MRPS25: variants seen among roughly 807,000 people sequenced by gnomAD.
The protein encoded by MRPS25 is mitochondrial ribosomal protein S25, also known as small ribosomal subunit protein mS25.
MRPS25 carries 15 observed loss-of-function variants against 17.3 expected under a neutral mutation model. The observed-to-expected ratio is 0.87, with a 90% confidence interval of 0.58 to 1.34. MRPS25 has a LOEUF of 1.34. Among genes scored for constraint, MRPS25 ranks in the 40% most tolerant of loss-of-function variants. MRPS25 has a pLI of 0.00. For missense variants in MRPS25, 225 were observed against 218.6 expected, an observed-to-expected ratio of 1.03 and a Z score of -0.19; for synonymous variants, 94 against 83.3, an observed-to-expected ratio of 1.13 and a Z score of -0.70.
At chr3:15,053,802 C>T (rs1321255116) in intron 2 of MRPS25, among the ~76,000 whole-genome samples, 1 of 152,104 alleles carries the variant, frequency 6.6e-6, no homozygotes, top group African/African-American at 2.4e-5. Flanking sequence ...AGCGGTGTTT[C>T]TGTAGAAACT....
chr3:15,047,796 C>G (rs960109250), downstream of MRPS25: 2 of 152,250 alleles, frequency 1.3e-5, no homozygotes, highest in African/African-American at 4.8e-5. Context: ...TCTCAAGTTA[C>G]TTCTCTAACT....
At chr3:15,064,331 C>G (rs1427616033) in intron 1 of MRPS25, among the ~76,000 whole-genome samples, 2 of 152,192 alleles carry the variant, frequency 1.3e-5, no homozygotes, top group African/African-American at 2.4e-5. Context: ...AACTGCCATT[C>G]AATGAGTCCC....
At chr3:15,063,531 A>G (rs2042810640) in intron 1 of MRPS25, among the ~76,000 whole-genome samples, 2 of 152,204 alleles carry the variant, frequency 1.3e-5, no homozygotes, top group South Asian at 2.1e-4. Context: ...ACCCACGGGT[A>G]CAAGATCACA....
At position 15,050,907 on chromosome 3, in the gene MRPS25, A is replaced by ACAT. The variant is rs1250009604; in HGVS notation, c.*1531_*1533dup. On this transcript the variant is annotated 3_prime_UTR_variant, in exon 4 of 4. Coordinates refer to ENST00000253686, the MANE Select transcript of MRPS25 (RefSeq NM_022497.5). ...AGTTAATGAAACACATCGTAGTATG[A>ACAT]CATCATTTCACCAGCCAGCTACTTC... 5 of 985,442 alleles carry ACAT rather than the reference A, an allele frequency of 5.1e-6. No homozygotes were observed. The South Asian group carries it at 1.9e-4, about 37-fold the overall frequency. The allele number at this position is 985,442 out of a possible 1,614,324, so 61.0% of individuals were successfully genotyped here.
At chr3:15,058,906 C>A (rs2042707565) in intron 2 of MRPS25, among the ~76,000 whole-genome samples, 1 of 151,842 alleles carries the variant, frequency 6.6e-6, no homozygotes, top group Admixed American at 6.6e-5. Context: ...TGCACGCAGT[C>A]CTCAGAGGAC....
rs1398298415 is a variant in MRPS25, at chr3:15,065,187, A to G, written c.8T>C (p.Met3Thr). Residue 3 changes from methionine to threonine, a missense_variant, in exon 1 of 4, where the codon ATG becomes ACG. Transcript: ENST00000253686. ...GCGGCGGATGGGGAAGCGGCCCTTC[A>G]TGGGCATGGCGGCAACGGTGGCGGG... MP[M>T]KGRFPIRRTL... 6.2e-6 allele frequency: 10 copies of G among 1,600,542 alleles called. No homozygotes were observed. The highest frequency in any genetic ancestry group is 7.7e-6 in the Non-Finnish European group (9 of 1,174,324).
At chr3:15,053,226 G>A (rs2042628098) in intron 3 of MRPS25, 154 bp downstream of exon 3, 1 of 1,456,862 alleles carries the variant, frequency 6.9e-7, no homozygotes, top group South Asian at 1.4e-5. Flanking sequence ...AGCAACATCA[G>A]AAAGAACTGA....
downstream of MRPS25, chr3:15,042,759 C>A: frequency 2.1e-6 from 3 of 1,397,842 alleles, no homozygotes; most frequent in Non-Finnish European, 3.0e-6. Flanking sequence ...ACAGACGGGA[C>A]CCCAGGAGCC....
At position 15,050,194 on chromosome 3, in the gene MRPS25, C is replaced by T; in HGVS notation, c.*2247G>A. ...AATAATGTTTATTTCCACAAATTAT[C>T]TGCTGCCTGTGAAGCTGGCCACACA... On this transcript the variant is annotated 3_prime_UTR_variant, in exon 4 of 4. Transcript: ENST00000253686. 1 of 1,196,458 alleles carries T rather than the reference C, an allele frequency of 8.4e-7. No individual in the cohort carries two copies. Among genetic ancestry groups the T allele is most frequent in the Non-Finnish European group, 1.0e-6 (1 of 964,236 alleles). The allele number at this position is 1,196,458 out of a possible 1,614,324, so 74.1% of individuals were successfully genotyped here. A position where few individuals can be genotyped will look rare whatever the true frequency, so the allele number is the denominator to read the frequency against.
rs2042611770 is a variant in MRPS25, at chr3:15,051,955, G to A, written c.*486C>T. ...CACGAAGGGTTGCCTTTGGATTTCT[G>A]AAAAATACCCCCAAGGAACTGAACG... On this transcript the variant is annotated 3_prime_UTR_variant, in exon 4 of 4. Coordinates refer to ENST00000253686, the MANE Select transcript of MRPS25 (RefSeq NM_022497.5). 1.0e-6 allele frequency: 1 copy of A among 986,078 alleles called. No individual in the cohort carries two copies. Among genetic ancestry groups the A allele is most frequent in the Non-Finnish European group, 1.2e-6 (1 of 830,520 alleles). The allele number at this position is 986,078 out of a possible 1,614,324, so 61.1% of individuals were successfully genotyped here.
At chr3:15,046,164 A>G (rs753705012), downstream of MRPS25, 2 of 152,238 alleles carry the variant, frequency 1.3e-5, no homozygotes, top group Non-Finnish European at 2.9e-5. Context: ...TTTATTGTCT[A>G]ACCCTTGCCA....
rs1209410816 is a variant in MRPS25, at chr3:15,049,576, C to G, written c.*2865G>C. 1 of 404,660 alleles carries G rather than the reference C, an allele frequency of 2.5e-6. No individual in the cohort carries two copies. The highest frequency in any genetic ancestry group is 5.1e-5 in the East Asian group (1 of 19,498). 25.1% of individuals were successfully genotyped at this position (404,660 alleles called of 1,614,324 possible). A position where few individuals can be genotyped will look rare whatever the true frequency, so the allele number is the denominator to read the frequency against. On this transcript the variant is annotated 3_prime_UTR_variant, in exon 4 of 4. Transcript: ENST00000253686. Reference sequence around the variant, plus strand: ...TCTGGAGCAGAGCACAGTTAGGCTGCTGGAACATTCAGATGCCATTACAGA... The same window carrying G: ...TCTGGAGCAGAGCACAGTTAGGCTGGTGGAACATTCAGATGCCATTACAGA...
At chr3:15,064,794 C>T (rs1344772149) in intron 1 of MRPS25, among the ~76,000 whole-genome samples, 2 of 152,256 alleles carry the variant, frequency 1.3e-5, no homozygotes, top group Admixed American at 1.3e-4. Context: ...CTCGGGTCAG[C>T]CTCGCCCACC....
In MRPS25 at chr3:15,049,981, CTGCT is replaced by C. The variant is rs758855825; in HGVS notation, c.*2456_*2459del. 3 of 1,480,668 alleles carry C rather than the reference CTGCT, an allele frequency of 2.0e-6. No individual in the cohort carries two copies. The South Asian group carries it at 4.1e-5, about 20-fold the overall frequency. 91.7% of individuals were successfully genotyped at this position (1,480,668 alleles called of 1,614,324 possible). On this transcript the variant is annotated 3_prime_UTR_variant, in exon 4 of 4. Transcript: ENST00000253686. ...TCACTTCAGAATAAGGCTGTGAACA[CTGCT>C]TGTGCAAGTAAAATTAAGAACATGT...
At chr3:15,053,348 T>C in intron 3 of MRPS25, 32 bp downstream of exon 3, 1 of 1,614,042 alleles carries the variant, frequency 6.2e-7, no homozygotes, top group East Asian at 2.2e-5. Context: ...GCTGAGAAGT[T>C]TGTTCCTTCC....
chr3:15,058,889 G>A (rs142126000), intron 2 of MRPS25, among the ~76,000 whole-genome samples: 12 of 152,162 alleles, frequency 7.9e-5, no homozygotes, highest in Admixed American at 2.0e-4. Context: ...GAACAGCATC[G>A]TGTAAGTGCA....
intron 1 of MRPS25, 51 bp from the exon 2 acceptor site, chr3:15,059,526 T>A (rs781389635): frequency 1.5e-5 from 18 of 1,220,872 alleles, no homozygotes; most frequent in Non-Finnish European, 2.0e-5. Flanking sequence ...TAGCCTGAAA[T>A]TTTATGCGTG....
At chr3:15,063,333 C>G (rs1193540799) in intron 1 of MRPS25, among the ~76,000 whole-genome samples, 2 of 152,186 alleles carry the variant, frequency 1.3e-5, no homozygotes, top group Non-Finnish European at 2.9e-5. Flanking sequence ...ACTTGGCCCT[C>G]AAATACTAAA....
rs2042600679 is a variant in MRPS25 at position 15,051,218 on chromosome 3, C to G, written c.*1223G>C. 1.0e-6 allele frequency: 1 copy of G among 975,420 alleles called. No individual in the cohort carries two copies. The highest frequency in any genetic ancestry group is 1.8e-5 in the African/African-American group (1 of 57,054). 60.4% of individuals were successfully genotyped at this position (975,420 alleles called of 1,614,324 possible). On this transcript the variant is annotated 3_prime_UTR_variant, in exon 4 of 4. Transcript: ENST00000253686. Reference sequence around the variant, plus strand: ...TTTTTTTTCTTGAGACAGTCTTGCTCTGTGGCCCAGGCTGGAGTGCAGTAG... The same window carrying G: ...TTTTTTTTCTTGAGACAGTCTTGCTGTGTGGCCCAGGCTGGAGTGCAGTAG...
Sources: gnomAD v4.1 joint callset for allele counts (sites outside exome capture counted in the v4.1 genomes callset) on GRCh38, gnomAD v4.1.1 for gene constraint, MANE v1.5 for transcripts, NCBI Gene and HGNC (gene_info 2026-07-23, HGNC 2026-07-21) for gene names.